Variants in CASP8 observed in about 807,000 individuals in gnomAD.
The protein encoded by CASP8 is caspase 8.
In CASP8, 24 loss-of-function variants were observed where a neutral mutation model predicts 46.3. The observed-to-expected ratio is 0.52, with a 90% CI of 0.38 to 0.73. CASP8 has a LOEUF of 0.73. Ranked by LOEUF, CASP8 falls within the 30% of genes least tolerant of loss-of-function variation. CASP8 has a pLI of 0.00. For missense variants in CASP8, 460 were observed against 559.0 expected, an observed-to-expected ratio of 0.82 and a Z score of 1.79; for synonymous variants, 188 against 200.4, an observed-to-expected ratio of 0.94 and a Z score of 0.52.
intron 2 of CASP8, among the ~76,000 whole-genome samples, chr2:201,269,227 C>T (rs1341394415): frequency 6.6e-6 from 1 of 152,126 alleles, no homozygotes; most frequent in African/African-American, 2.4e-5. Context: ...GCATGAGCCA[C>T]TGCGCCTGGC....
intron 2 of CASP8, among the ~76,000 whole-genome samples, chr2:201,236,041 C>T (rs538734579): frequency 1.5e-4 from 23 of 152,206 alleles, no homozygotes; most frequent in Admixed American, 2.0e-4. Context: ...AAATCACTGA[C>T]GATGCTTTTC....
At chr2:201,265,095 G>T (rs1947706852) in intron 1 of CASP8, among the ~76,000 whole-genome samples, 1 of 152,160 alleles carries the variant, frequency 6.6e-6, no homozygotes, top group East Asian at 1.9e-4. Flanking sequence ...TTCTTTCAGG[G>T]AATGGAAGGA....
chr2:201,262,698 A>T (rs1947509244), intron 1 of CASP8, among the ~76,000 whole-genome samples: 1 of 152,208 alleles, frequency 6.6e-6, no homozygotes, highest in Non-Finnish European at 1.5e-5. Flanking sequence ...AAATACAAGT[A>T]CATTGTTTAA....
chr2:201,252,419 G>T (rs1000016651), intron 2 of CASP8, among the ~76,000 whole-genome samples: 3 of 152,252 alleles, frequency 2.0e-5, no homozygotes, highest in East Asian at 3.9e-4. Flanking sequence ...GGGACTACAG[G>T]TGTGTGCCAC....
intron 7 of CASP8, chr2:201,281,888 G>T: frequency 6.7e-7 from 1 of 1,488,204 alleles, no homozygotes; most frequent in Non-Finnish European, 9.0e-7. Context: ...GCAGAATCCA[G>T]CTACGAATAT....
intron 7 of CASP8, among the ~76,000 whole-genome samples, chr2:201,284,399 T>G: frequency 1.4e-5 from 1 of 73,250 alleles, no homozygotes; most frequent in Non-Finnish European, 3.1e-5. Context: ...GAGCACTGAG[T>G]GAACGAGACT....
chr2:201,285,086 A>T lies in CASP8; in HGVS notation c.1073A>T (p.Gln358Leu), dbSNP rs2125484643. The T allele has an allele frequency of 1.2e-6, 2 of 1,614,152 alleles. No individual in the cohort carries two copies. The highest frequency in any genetic ancestry group is 1.7e-6 in the Non-Finnish European group (2 of 1,180,018). Residue 358 changes from glutamine to leucine, a missense_variant, in exon 8 of 9, where the codon CAG (glutamine) becomes CTG (leucine). Coordinates refer to ENST00000673742, the MANE Select transcript of CASP8 (RefSeq NM_001372051.1). ...LAGKPKVFFI[Q>L]ACQGDNYQKG... ...GGAAAACCCAAAGTGTTTTTTATTC[A>T]GGCTTGTCAGGGGGATAACTACCAG...
At chr2:201,246,438 C>T (rs921850176) in intron 2 of CASP8, among the ~76,000 whole-genome samples, 1 of 152,104 alleles carries the variant, frequency 6.6e-6, no homozygotes, top group African/African-American at 2.4e-5. Flanking sequence ...GAAGTCCACC[C>T]CCATCCCCAC....
chr2:201,253,414 C>T (rs535751201), intron 2 of CASP8, among the ~76,000 whole-genome samples: 8 of 144,156 alleles, frequency 5.5e-5, no homozygotes, highest in Non-Finnish European at 9.1e-5. Context: ...GTTTCTTCAA[C>T]GTCTTCCTGT....
chr2:201,249,723 T>A (rs75719270), intron 2 of CASP8, among the ~76,000 whole-genome samples: 1 of 152,038 alleles, frequency 6.6e-6, no homozygotes, highest in East Asian at 1.9e-4. Flanking sequence ...AGACCCTGTC[T>A]CAGAAAGAAA....
chr2:201,277,707 T>G (rs1948726525), intron 7 of CASP8: 1 of 444,862 alleles, frequency 2.2e-6, no homozygotes, highest in Non-Finnish European at 4.5e-6. Flanking sequence ...TTAACATTTT[T>G]TTTTTTTTTT....
chr2:201,272,534 G>C lies in CASP8; in HGVS notation c.412-104G>C. The C allele has an allele frequency of 1.5e-6, 2 of 1,291,950 alleles. No individual in the cohort carries two copies. The highest frequency in any genetic ancestry group is 1.1e-6 in the Non-Finnish European group (1 of 904,324). The allele number at this position is 1,291,950 out of a possible 1,614,324, so 80.0% of individuals were successfully genotyped here. A position where few individuals can be genotyped will look rare whatever the true frequency, so the allele number is the denominator to read the frequency against. ...AAACTGTCAGAAACTTGGGAAGCAA[G>C]GGCAGGTCCTTGGTTGGAGAAATTG... On this transcript the variant is annotated intron_variant, in intron 3 of 8. Transcript: ENST00000673742. The surrounding 1 kb of genome is among the most constrained non-coding windows in gnomAD (Gnocchi z 4.4).
In CASP8 at chr2:201,271,640, C is replaced by T; in HGVS notation, c.411+19C>T. ...TGACATGGTAAGACCTGGTATCTTA[C>T]TGAGATTTAGTCCTGAGACTTGGTT... On this transcript the variant is annotated intron_variant, in intron 3 of 8. Coordinates refer to ENST00000673742, the MANE Select transcript of CASP8 (RefSeq NM_001372051.1). The T allele has an allele frequency of 7.0e-7, 1 of 1,438,312 alleles. No individual in the cohort carries two copies. Among genetic ancestry groups the T allele is most frequent in the Non-Finnish European group, 9.8e-7 (1 of 1,019,690 alleles). The allele number at this position is 1,438,312 out of a possible 1,614,324, so 89.1% of individuals were successfully genotyped here. A position where few individuals can be genotyped will look rare whatever the true frequency, so the allele number is the denominator to read the frequency against.
chr2:201,259,312 A>G (rs1325794686), upstream of CASP8, among the ~76,000 whole-genome samples: 1 of 152,108 alleles, frequency 6.6e-6, no homozygotes. Flanking sequence ...AGCTGGGACC[A>G]CAGGCGCGTG....
chr2:201,268,559 AAAAG>A (rs1384474707), intron 2 of CASP8, among the ~76,000 whole-genome samples: 22 of 152,104 alleles, frequency 1.4e-4, no homozygotes, highest in Non-Finnish European at 2.8e-4. Flanking sequence ...CTCAAAAAAA[AAAAG>A]AAAGAGATAT....
In CASP8 at chr2:201,266,297, C is replaced by T. The variant is rs1947823218; in HGVS notation, c.-26-164C>T. On this transcript the variant is annotated intron_variant, in intron 1 of 8. Transcript: ENST00000673742. This position sits in a 1 kb window ranked among gnomAD's most constrained non-coding sequence, Gnocchi z 5.7. ...CCAGCCCATTGGCTTGTTTGTATGT[C>T]TACCTTCCTAAACAGTAAGAGGGAA... 6.6e-6 allele frequency among the ~76,000 whole-genome samples: 1 copy of T among 152,216 alleles called. No individual in the cohort carries two copies. The highest frequency in any genetic ancestry group is 1.5e-5 in the Non-Finnish European group (1 of 68,028).
Position 201,266,816 on chromosome 2 carries a change from A to C in CASP8, c.305+25A>C. 1.9e-6 allele frequency: 3 copies of C among 1,586,998 alleles called. No homozygotes were observed. The highest frequency in any genetic ancestry group is 2.6e-6 in the Non-Finnish European group (3 of 1,158,316). ...GGTGGGTGGAAACTCCCATTGTGGGACTGGGAGGTGTGGGTTGAATGGACA... is the reference window on the plus strand; with the variant it reads ...GGTGGGTGGAAACTCCCATTGTGGGCCTGGGAGGTGTGGGTTGAATGGACA... On this transcript the variant is annotated intron_variant, in intron 2 of 8. Coordinates refer to ENST00000673742, the MANE Select transcript of CASP8 (RefSeq NM_001372051.1). This position sits in a 1 kb window ranked among gnomAD's most constrained non-coding sequence, Gnocchi z 5.7.
At chr2:201,258,014 G>A (rs1947108228), upstream of CASP8, 3 of 561,264 alleles carry the variant, frequency 5.3e-6, no homozygotes, top group South Asian at 5.9e-5. Flanking sequence ...CCTTTAAACA[G>A]GAAACATTTC....
At position 201,276,888 on chromosome 2, in the gene CASP8, A is replaced by G. The variant is rs1360228191; in HGVS notation, c.722A>G (p.Asn241Ser). The G allele has an allele frequency of 6.2e-7, 1 of 1,614,146 alleles. No individual in the cohort carries two copies. Among genetic ancestry groups the G allele is most frequent in the East Asian group, 2.2e-5 (1 of 44,886 alleles). Residue 241 changes from asparagine (N) to serine (S), a missense_variant, in exon 7 of 9, where the codon AAT becomes AGT. Coordinates refer to ENST00000673742, the MANE Select transcript of CASP8 (RefSeq NM_001372051.1). The part of the protein sequence containing the change: ...KPRGYCLIIN[N>S]HNFAKAREKV... ...CGGGGATACTGTCTGATCATCAACAATCACAATTTTGCAAAAGCACGGGAG... is the reference window on the plus strand; with the variant it reads ...CGGGGATACTGTCTGATCATCAACAGTCACAATTTTGCAAAAGCACGGGAG...
Sources: gnomAD v4.1 joint callset for allele counts (sites outside exome capture counted in the v4.1 genomes callset) on GRCh38, gnomAD v4.1.1 for gene constraint, Gnocchi (gnomAD v3.1) non-coding constraint, MANE v1.5 for transcripts, NCBI Gene and HGNC (gene_info 2026-07-23, HGNC 2026-07-21) for gene names.